The following ZMAT4 variants were observed in gnomAD, a reference collection of about 807,000 sequenced individuals.
ZMAT4 encodes zinc finger matrin-type 4.
Under a neutral mutation model 28.7 loss-of-function variants are expected in ZMAT4, and 17 were observed. That is an observed-to-expected ratio of 0.59 (90% CI 0.41 to 0.89). The LOEUF (loss-of-function observed/expected upper bound fraction) is 0.89, where lower values mean the gene tolerates loss of function less well. Ranked by LOEUF, ZMAT4 falls within the 40% of genes least tolerant of loss-of-function variation. The pLI is 0.00. For synonymous variants in ZMAT4, 117 were observed against 109.2 expected, an observed-to-expected ratio of 1.07 and a Z score of -0.44; for missense variants, 240 against 283.8, an observed-to-expected ratio of 0.85 and a Z score of 1.11.
At chr8:40,695,897 A>G (rs1361610219) in intron 4 of ZMAT4, among the ~76,000 whole-genome samples, 3 of 150,714 alleles carry the variant, frequency 2.0e-5, no homozygotes, top group East Asian at 3.9e-4. Flanking sequence ...TTAATTTAAC[A>G]GTAATATTCT....
chr8:40,819,808 CTG>C (rs1375411123), intron 2 of ZMAT4, among the ~76,000 whole-genome samples: 1 of 151,958 alleles, frequency 6.6e-6, no homozygotes, highest in African/African-American at 2.4e-5. Context: ...CTTCCTTTGG[CTG>C]TGTGTGTGTT....
chr8:40,708,571 TTCTCTCTCTCTCTCTCTC>T (rs36210172), intron 3 of ZMAT4, among the ~76,000 whole-genome samples: 11 of 120,980 alleles, frequency 9.1e-5, no homozygotes, highest in Admixed American at 2.8e-4. Context: ...TACACACTCT[TTCTCTCTCTCTCTCTCTC>T]TCTCTCTCTC....
At chr8:40,742,084 C>CAAAAAA (rs761846118) in intron 3 of ZMAT4, among the ~76,000 whole-genome samples, 1 of 8,476 alleles carries the variant, frequency 1.2e-4, no homozygotes, top group African/African-American at 2.2e-4. Context: ...ACTAAAAATA[C>CAAAAAA]AAAAAAAAAC....
At chr8:40,881,284 G>A (rs1000559819) in intron 1 of ZMAT4, among the ~76,000 whole-genome samples, 5 of 151,672 alleles carry the variant, frequency 3.3e-5, no homozygotes, top group East Asian at 1.9e-4. Context: ...GGCTACTGAG[G>A]AGGCTGAGGC....
rs533901699 is a variant in ZMAT4 at position 40,555,903 on chromosome 8, C to T, written c.675-23665G>A. Among the ~76,000 whole-genome samples, 6 of 152,248 alleles carry T rather than the reference C, an allele frequency of 3.9e-5. No homozygotes were observed. In the East Asian group the frequency reaches 5.8e-4, roughly 15 times the overall value. The stretch of plus-strand genomic sequence containing the variant: ...TTGTTTTCTCTCCCAACCACTCAAC[C>T]GACTGCCTTGGCTAAGGTCATCAAA... On this transcript the variant is annotated intron_variant, in intron 6 of 6. Coordinates refer to ENST00000297737, the MANE Select transcript of ZMAT4 (RefSeq NM_024645.3).
chr8:40,605,321 T>A (rs989469347), intron 5 of ZMAT4, among the ~76,000 whole-genome samples: 1 of 152,346 alleles, frequency 6.6e-6, no homozygotes, highest in African/African-American at 2.4e-5. Flanking sequence ...CAGTTAATGC[T>A]AGAAACTTTC....
At chr8:40,583,174 C>G (rs192680121) in intron 5 of ZMAT4, among the ~76,000 whole-genome samples, 1 of 152,248 alleles carries the variant, frequency 6.6e-6, no homozygotes, top group East Asian at 1.9e-4. Context: ...TTGAGGAGTA[C>G]CTTCTTGTTG....
intron 5 of ZMAT4, among the ~76,000 whole-genome samples, chr8:40,648,413 A>T (rs1264658054): frequency 2.0e-5 from 3 of 150,264 alleles, no homozygotes; most frequent in African/African-American, 7.3e-5. Context: ...TCCAAGAAAT[A>T]TGGGACTATG....
chr8:40,878,522 G>A (rs905516423), intron 1 of ZMAT4, among the ~76,000 whole-genome samples: 2 of 152,152 alleles, frequency 1.3e-5, no homozygotes, highest in Non-Finnish European at 2.9e-5. Flanking sequence ...TTAGAAAAAT[G>A]GGTTCACTCC....
chr8:40,537,619 C>G (rs1368164957), intron 6 of ZMAT4, among the ~76,000 whole-genome samples: 1 of 152,190 alleles, frequency 6.6e-6, no homozygotes, highest in East Asian at 1.9e-4. Flanking sequence ...TGCTTCAGAA[C>G]AGTTTATTCC....
chr8:40,551,826 C>T (rs1469195308), intron 6 of ZMAT4, among the ~76,000 whole-genome samples: 1 of 152,136 alleles, frequency 6.6e-6, no homozygotes, highest in Non-Finnish European at 1.5e-5. Flanking sequence ...AAAGTTGTGG[C>T]ATGATAAAGT....
At chr8:40,676,511 C>T (rs1377967005) in intron 4 of ZMAT4, among the ~76,000 whole-genome samples, 4 of 152,014 alleles carry the variant, frequency 2.6e-5, no homozygotes, top group East Asian at 3.9e-4. Flanking sequence ...AGCTGAGGTC[C>T]GAGACCTCAA....
At chr8:40,852,946 A>T (rs929062477) in intron 1 of ZMAT4, among the ~76,000 whole-genome samples, 12 of 152,294 alleles carry the variant, frequency 7.9e-5, no homozygotes, top group African/African-American at 2.2e-4. Flanking sequence ...ATTGAATTTT[A>T]TCACGGGCAA....
chr8:40,778,631 T>G (rs1813700969), intron 2 of ZMAT4, among the ~76,000 whole-genome samples: 1 of 152,236 alleles, frequency 6.6e-6, no homozygotes. Flanking sequence ...CAAAGCATAT[T>G]TGATTATTCC....
intron 4 of ZMAT4, chr8:40,696,922 T>C (rs1214415020): frequency 4.1e-5 from 8 of 194,324 alleles, no homozygotes; most frequent in Non-Finnish European, 3.1e-5. Context: ...GCAGACGGAA[T>C]CTAGAAAACA....
chr8:40,893,876 C>T (rs1007835978), intron 1 of ZMAT4, among the ~76,000 whole-genome samples: 1 of 152,156 alleles, frequency 6.6e-6, no homozygotes, highest in Non-Finnish European at 1.5e-5. Flanking sequence ...TCCATGTGTA[C>T]TCAATGCTTA....
At chr8:40,672,313 GTGTGTGTGTGGCC>G (rs1439399315) in intron 5 of ZMAT4, among the ~76,000 whole-genome samples, 2 of 151,950 alleles carry the variant, frequency 1.3e-5, no homozygotes, top group African/African-American at 2.4e-5. Flanking sequence ...GAATAGAGGG[GTGTGTGTGTGGCC>G]TGTGTGTGTG....
At chr8:40,781,944 A>C (rs1660879098) in intron 2 of ZMAT4, among the ~76,000 whole-genome samples, 1 of 152,158 alleles carries the variant, frequency 6.6e-6, no homozygotes, top group Non-Finnish European at 1.5e-5. Context: ...AAGTTAACTC[A>C]AAATGTATTG....
intron 2 of ZMAT4, among the ~76,000 whole-genome samples, chr8:40,791,225 G>C (rs1814310183): frequency 6.6e-6 from 1 of 152,158 alleles, no homozygotes; most frequent in South Asian, 2.1e-4. Flanking sequence ...GTTCAGAAGG[G>C]ACTGGAGGAG....
Sources: gnomAD v4.1 joint callset for allele counts (sites outside exome capture counted in the v4.1 genomes callset) on GRCh38, gnomAD v4.1.1 for gene constraint, MANE v1.5 for transcripts, NCBI Gene and HGNC (gene_info 2026-07-23, HGNC 2026-07-21) for gene names.